Variants in SHROOM3 observed in about 807,000 individuals in gnomAD.
SHROOM3 encodes the protein shroom family member 3, also known as protein Shroom3.
A neutral mutation model predicts 138.6 loss-of-function variants in SHROOM3; 47 were observed. The observed-to-expected ratio is 0.34, with a 90% CI of 0.27 to 0.43. The LOEUF (loss-of-function observed/expected upper bound fraction) is 0.43. Ranked by LOEUF, SHROOM3 falls within the 20% of genes least tolerant of loss-of-function variation. The pLI is 1.00. For missense variants in SHROOM3, 2,491 were observed against 2,596.5 expected (o/e 0.96, Z 0.88); for synonymous variants, 1,062 against 1,063.3 (o/e 1.00, Z 0.02).
chr4:76,449,088 C>G (rs1041967820), intron 1 of SHROOM3, among the ~76,000 whole-genome samples: 21 of 152,128 alleles, frequency 1.4e-4, no homozygotes, highest in Non-Finnish European at 2.6e-4. Flanking sequence ...CTGAATGAAT[C>G]AAGCATCTCT....
chr4:76,637,289 A>G (rs1735524369), intron 2 of SHROOM3, among the ~76,000 whole-genome samples: 1 of 152,206 alleles, frequency 6.6e-6, no homozygotes, highest in Non-Finnish European at 1.5e-5. Flanking sequence ...CAGAGGTTGA[A>G]CCAAAACTCT....
At chr4:76,558,477 A>G (rs1733532058) in intron 2 of SHROOM3, among the ~76,000 whole-genome samples, 1 of 152,228 alleles carries the variant, frequency 6.6e-6, no homozygotes, top group Non-Finnish European at 1.5e-5. Context: ...CCATAATACC[A>G]TATATGCTGG....
At position 76,738,215 on chromosome 4, in the gene SHROOM3, T is replaced by C. The variant is rs71607372; in HGVS notation, c.588-546T>C. On this transcript the variant is annotated intron_variant, in intron 4 of 10. Transcript: ENST00000296043. ...GTTTAGCTTTCCCACCACAAACAAATTGTTTCTAGTGCAGTTAAGATTCCA... is the reference window on the plus strand; with the variant it reads ...GTTTAGCTTTCCCACCACAAACAAACTGTTTCTAGTGCAGTTAAGATTCCA... 4.0e-3 allele frequency among the ~76,000 whole-genome samples: 614 copies of C among 152,304 alleles called. 3 individuals carry two copies. Among genetic ancestry groups the C allele is most frequent in the Admixed American group, 6.6e-3 (101 of 15,294 alleles).
intron 2 of SHROOM3, among the ~76,000 whole-genome samples, chr4:76,572,698 T>C (rs1380286224): frequency 6.6e-6 from 1 of 152,248 alleles, no homozygotes; most frequent in East Asian, 1.9e-4. Flanking sequence ...TCTAGCAGTA[T>C]AACAGTGTAC....
chr4:76,515,873 GA>G (rs1334084251), intron 1 of SHROOM3, among the ~76,000 whole-genome samples: 1 of 152,174 alleles, frequency 6.6e-6, no homozygotes, highest in Non-Finnish European at 1.5e-5. Flanking sequence ...ACTACTTTAT[GA>G]GGTAAATAAT....
intron 2 of SHROOM3, among the ~76,000 whole-genome samples, chr4:76,585,449 T>C (rs1309732244): frequency 2.6e-5 from 4 of 152,218 alleles, no homozygotes; most frequent in Admixed American, 6.5e-5. Flanking sequence ...CTATGGTTAC[T>C]GTTAAGCTGA....
chr4:76,744,867 T>C (rs72663231), intron 5 of SHROOM3, among the ~76,000 whole-genome samples: 33,065 of 152,058 alleles, frequency 0.22, 3,687 homozygotes, highest in African/African-American at 0.22. Context: ...TTTTCAAAAT[T>C]CTCATTAGTG....
chr4:76,585,296 T>G (rs1032648000), intron 2 of SHROOM3, among the ~76,000 whole-genome samples: 31 of 152,234 alleles, frequency 2.0e-4, no homozygotes, highest in Non-Finnish European at 1.2e-4. Flanking sequence ...AATTTATAAA[T>G]TGTCTGTGTA....
chr4:76,659,129 C>G (rs142217599), intron 2 of SHROOM3, among the ~76,000 whole-genome samples: 2 of 152,190 alleles, frequency 1.3e-5, no homozygotes, highest in East Asian at 3.9e-4. Flanking sequence ...TCTGGTGTCC[C>G]CTCTGATTAA....
At chr4:76,534,571 G>A (rs553699770) in intron 1 of SHROOM3, among the ~76,000 whole-genome samples, 9 of 152,256 alleles carry the variant, frequency 5.9e-5, no homozygotes, top group South Asian at 4.2e-4. Flanking sequence ...TTAGACGTAC[G>A]TGAAGAAATA....
intron 1 of SHROOM3, among the ~76,000 whole-genome samples, chr4:76,485,837 T>A (rs1731717854): frequency 6.6e-6 from 1 of 152,172 alleles, no homozygotes; most frequent in South Asian, 2.1e-4. Context: ...ACATCTGAAA[T>A]GTGTCATAAT....
chr4:76,590,715 G>A (rs544590014), intron 2 of SHROOM3, among the ~76,000 whole-genome samples: 4 of 151,234 alleles, frequency 2.6e-5, no homozygotes, highest in Admixed American at 6.6e-5. Context: ...TTTCTCCCCC[G>A]GGGTAGAAGT....
At position 76,739,113 on chromosome 4, in the gene SHROOM3, C is replaced by A. The variant is rs199685557; in HGVS notation, c.940C>A (p.Arg314=). Residue 314 remains arginine (R), a synonymous_variant, in exon 5 of 11, where the codon CGG becomes AGG. Coordinates refer to ENST00000296043, the MANE Select transcript of SHROOM3 (RefSeq NM_020859.4). Reference sequence around the variant, plus strand: ...CTATGTCAAGACAGTCTATGACACCCGGAGGGGAGTCTCAGCAGAGTATGA... The same window carrying A: ...CTATGTCAAGACAGTCTATGACACCAGGAGGGGAGTCTCAGCAGAGTATGA... ...IRYVKTVYDT[R]RGVSAEYEVN... is the part of the protein sequence containing the mutation. The A allele has an allele frequency of 6.2e-7, 1 of 1,614,090 alleles. No homozygotes were observed. The highest frequency in any genetic ancestry group is 1.3e-5 in the African/African-American group (1 of 74,934).
At chr4:76,677,726 T>A (rs1235682258) in intron 2 of SHROOM3, among the ~76,000 whole-genome samples, 1 of 152,246 alleles carries the variant, frequency 6.6e-6, no homozygotes, top group Non-Finnish European at 1.5e-5. Context: ...CGCCCAAATG[T>A]GCCCACTATA....
chr4:76,522,832 T>C lies in SHROOM3; in HGVS notation c.169-32777T>C, dbSNP rs543531679. Reference sequence around the variant, plus strand: ...AGTAAATGCTTTAGTAAAAAAGAGATTATATATGGCTATAGTAATAGCTAT... The same window carrying C: ...AGTAAATGCTTTAGTAAAAAAGAGACTATATATGGCTATAGTAATAGCTAT... On this transcript the variant is annotated intron_variant, in intron 1 of 10. Transcript: ENST00000296043. 1.6e-3 allele frequency among the ~76,000 whole-genome samples: 236 copies of C among 152,234 alleles called. 1 individual carries two copies. The highest frequency in any genetic ancestry group is 6.8e-3 in the Middle Eastern group (2 of 294).
At chr4:76,506,965 T>A (rs1240600097) in intron 1 of SHROOM3, among the ~76,000 whole-genome samples, 2 of 152,196 alleles carry the variant, frequency 1.3e-5, no homozygotes, top group East Asian at 3.9e-4. Context: ...CTCTCCATAA[T>A]AACCAAAAAT....
chr4:76,614,782 T>C (rs1198179860), intron 2 of SHROOM3, among the ~76,000 whole-genome samples: 2 of 152,182 alleles, frequency 1.3e-5, no homozygotes, highest in Non-Finnish European at 2.9e-5. Context: ...TTTAAAGCAT[T>C]ATGTGGAATA....
intron 2 of SHROOM3, among the ~76,000 whole-genome samples, chr4:76,687,391 T>C (rs914521130): frequency 6.6e-6 from 1 of 152,210 alleles, no homozygotes; most frequent in Non-Finnish European, 1.5e-5. Context: ...TAAAGGGCAG[T>C]GTGATTTTAC....
intron 2 of SHROOM3, among the ~76,000 whole-genome samples, chr4:76,558,033 G>A (rs1733523285): frequency 6.6e-6 from 1 of 152,166 alleles, no homozygotes; most frequent in Non-Finnish European, 1.5e-5. Context: ...CAGGAGCCCA[G>A]TTTGGAAACA....
Sources: gnomAD v4.1 joint callset for allele counts (sites outside exome capture counted in the v4.1 genomes callset) on GRCh38, gnomAD v4.1.1 for gene constraint, MANE v1.5 for transcripts, NCBI Gene and HGNC (gene_info 2026-07-23, HGNC 2026-07-21) for gene names.